Variants in CFLAR observed in about 807,000 individuals in gnomAD.
The protein encoded by CFLAR is CASP8 and FADD like apoptosis regulator.
A neutral mutation model predicts 51.1 loss-of-function variants in CFLAR; 14 were observed. That is an observed-to-expected ratio of 0.27 (90% CI 0.18 to 0.43). The LOEUF is 0.43. Ranked by LOEUF, CFLAR falls within the 20% of genes least tolerant of loss-of-function variation. The probability of loss-of-function intolerance (pLI) is 1.00; values close to 1 mark genes in which losing one functional copy is unlikely to be tolerated. For missense variants in CFLAR, 390 were observed against 566.5 expected (o/e 0.69, Z 3.16); for synonymous variants, 210 against 211.6 (o/e 0.99, Z 0.06).
chr2:201,140,519 A>C, intron 5 of CFLAR, 80 bp downstream of exon 5: 1 of 1,020,518 alleles, frequency 9.8e-7, no homozygotes, highest in Non-Finnish European at 1.4e-6. Flanking sequence ...TTCTCACAGC[A>C]TGTACTTTAT....
At position 201,138,379 on chromosome 2, in the gene CFLAR, C is replaced by T. The variant is rs2050432442; in HGVS notation, c.524-1978C>T. 1 of 771,738 alleles carries T rather than the reference C, an allele frequency of 1.3e-6. No individual in the cohort carries two copies. The highest frequency in any genetic ancestry group is 2.4e-6 in the Non-Finnish European group (1 of 418,912). The allele number at this position is 771,738 out of a possible 1,614,324, so 47.8% of individuals were successfully genotyped here. ...AGGCCACAGGGTAGTCTCGGTTCTTCAGCGCGGTGCAGGTGATAATGGCCA... is the reference window on the plus strand; with the variant it reads ...AGGCCACAGGGTAGTCTCGGTTCTTTAGCGCGGTGCAGGTGATAATGGCCA... On this transcript the variant is annotated intron_variant, in intron 4 of 9. Coordinates refer to ENST00000309955, the MANE Select transcript of CFLAR (RefSeq NM_003879.7). The surrounding 1 kb of genome is among the most constrained non-coding windows in gnomAD (Gnocchi z 4.0).
intron 9 of CFLAR, 197 bp from the exon 10 acceptor site, chr2:201,163,638 C>T (rs2125948621): frequency 7.2e-7 from 1 of 1,382,846 alleles, no homozygotes; most frequent in Non-Finnish European, 9.3e-7. Context: ...ACTCAGCAGC[C>T]CCTTGAGGGA....
rs1208483380 is a variant in CFLAR at position 201,171,081 on chromosome 2, A to G, written c.*7108A>G. On this transcript the variant is annotated 3_prime_UTR_variant, in exon 10 of 10. Coordinates refer to ENST00000309955, the MANE Select transcript of CFLAR (RefSeq NM_003879.7). ...AACCAAACATTGTATGTTCTCACTCATAAGTGGGAGATAAGCTATGAGGAT... is the reference window on the plus strand; with the variant it reads ...AACCAAACATTGTATGTTCTCACTCGTAAGTGGGAGATAAGCTATGAGGAT... 6.6e-6 allele frequency: 1 copy of G among 152,194 alleles called. No individual in the cohort carries two copies. Among genetic ancestry groups the G allele is most frequent in the Non-Finnish European group, 1.5e-5 (1 of 68,036 alleles). The allele number at this position is 152,194 out of a possible 1,614,324, so 9.4% of individuals were successfully genotyped here.
At position 201,118,890 on chromosome 2, in the gene CFLAR, G is replaced by C. The variant is rs936368286; in HGVS notation, c.-138+2409G>C. On this transcript the variant is annotated intron_variant, in intron 1 of 9. Transcript: ENST00000309955. This position sits in a 1 kb window ranked among gnomAD's most constrained non-coding sequence, Gnocchi z 5.1. Reference sequence around the variant, plus strand: ...CGGAGATCCAGTGGGAAGAGCCGGCGGCTGCCCGGGCGTGAGTAGACCGAG... The same window carrying C: ...CGGAGATCCAGTGGGAAGAGCCGGCCGCTGCCCGGGCGTGAGTAGACCGAG... 6.6e-6 allele frequency: 1 copy of C among 152,436 alleles called. No individual in the cohort carries two copies. The highest frequency in any genetic ancestry group is 6.5e-5 in the Admixed American group (1 of 15,292). The allele number at this position is 152,436 out of a possible 1,614,324, so 9.4% of individuals were successfully genotyped here.
chr2:201,130,250 T>C (rs1447290864), intron 2 of CFLAR, 104 bp downstream of exon 2: 3 of 1,091,016 alleles, frequency 2.7e-6, no homozygotes, highest in African/African-American at 3.2e-5. Flanking sequence ...GCAGCCACTT[T>C]ACTGTCTCTG....
At chr2:201,162,977 A>T in intron 9 of CFLAR, 1 of 729,966 alleles carries the variant, frequency 1.4e-6, no homozygotes, top group South Asian at 1.4e-5. Flanking sequence ...ATTTGTTCTT[A>T]TCCTTAATTG....
chr2:201,140,671 A>G (rs965469176), intron 5 of CFLAR: 33 of 427,016 alleles, frequency 7.7e-5, no homozygotes, highest in African/African-American at 6.4e-4. Flanking sequence ...CCTATATTCC[A>G]CTATCCAAAG....
intron 3 of CFLAR, among the ~76,000 whole-genome samples, chr2:201,134,175 T>G (rs1427971200): frequency 6.6e-6 from 1 of 151,466 alleles, no homozygotes; most frequent in African/African-American, 2.4e-5. Context: ...CCGGGCGTGG[T>G]GGTAGGCACC....
chr2:201,134,389 C>T (rs559759317), intron 3 of CFLAR, among the ~76,000 whole-genome samples: 202 of 152,044 alleles, frequency 1.3e-3, no homozygotes, highest in Middle Eastern at 6.8e-3. Context: ...AATCCCAGCA[C>T]TTTGGGAGGC....
intron 9 of CFLAR, 57 bp downstream of exon 9, chr2:201,160,999 G>A: frequency 7.9e-7 from 1 of 1,262,850 alleles, no homozygotes; most frequent in Non-Finnish European, 1.1e-6. Context: ...GTGCCACCAG[G>A]ATGGGAATTA....
chr2:201,141,421 T>C, intron 5 of CFLAR: 1 of 1,557,610 alleles, frequency 6.4e-7, no homozygotes, highest in Non-Finnish European at 8.7e-7. Flanking sequence ...TTCTTGGAAA[T>C]TGTTCCATGT....
Position 201,171,077 on chromosome 2 carries a change from A to T in CFLAR, c.*7104A>T, listed in dbSNP as rs1467806142. 6.6e-6 allele frequency: 1 copy of T among 152,152 alleles called. No homozygotes were observed. 9.4% of individuals were successfully genotyped at this position (152,152 alleles called of 1,614,324 possible). ...GGAAAACCAAACATTGTATGTTCTCACTCATAAGTGGGAGATAAGCTATGA... is the reference window on the plus strand; with the variant it reads ...GGAAAACCAAACATTGTATGTTCTCTCTCATAAGTGGGAGATAAGCTATGA... On this transcript the variant is annotated 3_prime_UTR_variant, in exon 10 of 10. Transcript: ENST00000309955.
chr2:201,142,189 T>G (rs1939074579), intron 5 of CFLAR, among the ~76,000 whole-genome samples: 3 of 151,894 alleles, frequency 2.0e-5, no homozygotes, highest in Admixed American at 2.0e-4. Context: ...TGGGAGAAAT[T>G]GCTTGAGCCT....
In CFLAR at chr2:201,136,755, C is replaced by T. The variant is rs1478822891; in HGVS notation, c.523+648C>T. On this transcript the variant is annotated intron_variant, in intron 4 of 9. Coordinates refer to ENST00000309955, the MANE Select transcript of CFLAR (RefSeq NM_003879.7). ...TTTTACCCCAACATACTCTAAATGA[C>T]TGATCAAAGATCAAAAACAGAAGAG... is the stretch of plus-strand genomic sequence containing the variant. 5 of 418,386 alleles carry T rather than the reference C, an allele frequency of 1.2e-5. No individual in the cohort carries two copies. The East Asian group carries it at 2.3e-4, about 19-fold the overall frequency. The allele number at this position is 418,386 out of a possible 1,614,324, so 25.9% of individuals were successfully genotyped here.
Position 201,171,684 on chromosome 2 carries a change from A to G in CFLAR, c.*7711A>G, listed in dbSNP as rs1486530769. On this transcript the variant is annotated 3_prime_UTR_variant, in exon 10 of 10. Coordinates refer to ENST00000309955, the MANE Select transcript of CFLAR (RefSeq NM_003879.7). The stretch of plus-strand genomic sequence containing the variant: ...TTAAAAATCTTTAGAGAATACAAAA[A>G]AAAAAAAAAAGATTCTTCAATGCAT... The G allele has an allele frequency of 2.2e-5, 1 of 44,688 alleles. No homozygotes were observed. Among genetic ancestry groups the G allele is most frequent in the African/African-American group, 7.6e-5 (1 of 13,148 alleles). The allele number at this position is 44,688 out of a possible 1,614,324, so 2.8% of individuals were successfully genotyped here.
chr2:201,137,154 TG>T, intron 4 of CFLAR: 2 of 186,050 alleles, frequency 1.1e-5, no homozygotes, highest in Non-Finnish European at 1.1e-5. Flanking sequence ...CCTGGGGGGC[TG>T]GGGACAGGGA....
intron 5 of CFLAR, among the ~76,000 whole-genome samples, chr2:201,142,958 A>AT (rs1559214596): frequency 6.6e-6 from 1 of 152,222 alleles, no homozygotes; most frequent in Non-Finnish European, 1.5e-5. Context: ...AGTCTCTGTA[A>AT]TACCAAATAA....
chr2:201,136,646 T>C, intron 4 of CFLAR: 2 of 1,344,572 alleles, frequency 1.5e-6, no homozygotes, highest in African/African-American at 1.5e-5. Context: ...CAGCCTCAGC[T>C]TGGGCTTTGT....
rs1431803724 is a variant in CFLAR, at chr2:201,168,441, ACT to A, written c.*4472_*4473del. On this transcript the variant is annotated 3_prime_UTR_variant, in exon 10 of 10. Transcript: ENST00000309955. ...AATTCAACGTTGCTTCATGTTAAAAACTCTCAATAAACTAGGTATTGATGGAA... is the reference window on the plus strand; with the variant it reads ...AATTCAACGTTGCTTCATGTTAAAAACTCAATAAACTAGGTATTGATGGAA... 2 of 152,016 alleles carry A rather than the reference ACT, an allele frequency of 1.3e-5. No individual in the cohort carries two copies. The highest frequency in any genetic ancestry group is 6.6e-5 in the Admixed American group (1 of 15,262). 9.4% of individuals were successfully genotyped at this position (152,016 alleles called of 1,614,324 possible).
Sources: gnomAD v4.1 joint callset for allele counts (sites outside exome capture counted in the v4.1 genomes callset) on GRCh38, gnomAD v4.1.1 for gene constraint, Gnocchi (gnomAD v3.1) non-coding constraint, MANE v1.5 for transcripts, NCBI Gene and HGNC (gene_info 2026-07-23, HGNC 2026-07-21) for gene names.